The following FUS variants were observed in gnomAD, a reference collection of about 807,000 sequenced individuals.
FUS encodes RNA-binding protein FUS.
In FUS, 5 loss-of-function variants were observed where a neutral mutation model predicts 82.7. That is an observed-to-expected ratio of 0.06 (90% CI 0.03 to 0.13). The LOEUF is 0.13. Ranked by LOEUF, FUS falls within the 10% of genes least tolerant of loss-of-function variation. FUS has a pLI of 1.00. For synonymous variants in FUS, 281 were observed against 247.4 expected (o/e 1.14, Z -1.27); for missense variants, 512 against 707.8 (o/e 0.72, Z 3.14).
chr16:31,191,221 A>AG (rs2079352927), intron 14 of FUS, 111 bp downstream of exon 14: 2 of 1,510,304 alleles, frequency 1.3e-6, no homozygotes, highest in African/African-American at 2.8e-5. Flanking sequence ...GAAAGACCTG[A>AG]GGTTGTAACC....
At chr16:31,192,630 G>C (rs933410847), downstream of FUS, 3 of 483,474 alleles carry the variant, frequency 6.2e-6, no homozygotes, top group Middle Eastern at 6.1e-4. Context: ...GCGTGATCTC[G>C]GCTCACTGTA....
chr16:31,192,250 G>C, downstream of FUS: 1 of 526,390 alleles, frequency 1.9e-6, no homozygotes, highest in Non-Finnish European at 3.7e-6. Context: ...ATCCCTTTTT[G>C]ATTGGAGGGT....
downstream of FUS, chr16:31,192,128 C>T: frequency 3.8e-6 from 2 of 530,956 alleles, no homozygotes; most frequent in Non-Finnish European, 7.3e-6. Context: ...CCCTGGTGAA[C>T]AGCGCTTGGG....
chr16:31,180,115 A>C, upstream of FUS: 1 of 1,532,436 alleles, frequency 6.5e-7, no homozygotes, highest in Non-Finnish European at 8.9e-7. Flanking sequence ...AGCGTACTTA[A>C]GCTTCGACGC....
intron 6 of FUS, 153 bp downstream of exon 6, chr16:31,185,332 C>T (rs758548331): frequency 3.0e-5 from 27 of 903,860 alleles, no homozygotes; most frequent in Non-Finnish European, 2.3e-5. Flanking sequence ...TTTCTTTTTA[C>T]ATCCCCATTT....
rs2079295103 is a variant in FUS, at chr16:31,187,984, A to G, written c.800-341A>G. ...TCTCTCGGGTGAGAGAACCGGGCCA[A>G]GCTGAGTTGGTTTGTTCACTTTAAT... is the stretch of plus-strand genomic sequence containing the variant. On this transcript the variant is annotated intron_variant, in intron 7 of 14. Transcript: ENST00000254108. 3 of 380,968 alleles carry G rather than the reference A, an allele frequency of 7.9e-6. No homozygotes were observed. In the South Asian group the frequency reaches 1.0e-4, roughly 13 times the overall value. The allele number at this position is 380,968 out of a possible 1,614,324, so 23.6% of individuals were successfully genotyped here.
downstream of FUS, chr16:31,191,800 T>C: frequency 3.5e-6 from 2 of 575,718 alleles, no homozygotes; most frequent in Non-Finnish European, 6.6e-6. Flanking sequence ...AAATGAGAAA[T>C]GAAGAACATG....
intron 7 of FUS, chr16:31,187,155 G>A (rs879686605): frequency 1.1e-5 from 5 of 457,698 alleles, no homozygotes; most frequent in African/African-American, 3.8e-5. Flanking sequence ...GAGAGTGCGT[G>A]CTGGAACACG....
chr16:31,184,203 C>A lies in FUS; in HGVS notation c.336-6C>A, dbSNP rs778362735. ...TGTGATTGTGTTTTTTGTTTGTTTT[C>A]CCTAGTTACGGTAGCAGTTCTCAGA... On this transcript the variant is annotated splice_polypyrimidine_tract_variant and splice_region_variant and intron_variant, in intron 4 of 14. Transcript: ENST00000254108. 1.1e-5 allele frequency: 17 copies of A among 1,614,000 alleles called. No homozygotes were observed. In the African/African-American group the frequency reaches 2.1e-4, roughly 20 times the overall value.
chr16:31,189,896 T>TA (rs941927129), intron 10 of FUS, 102 bp downstream of exon 10: 148 of 1,598,256 alleles, frequency 9.3e-5, no homozygotes, highest in Middle Eastern at 8.7e-4. Flanking sequence ...TTCCAACACT[T>TA]ACTTTAGCTG....
chr16:31,194,142 C>G (rs1437171219), downstream of FUS: 1 of 532,178 alleles, frequency 1.9e-6, no homozygotes, highest in Non-Finnish European at 3.6e-6. Context: ...TGTGCCGGGC[C>G]TTCCTGGGTT....
chr16:31,185,972 A>ATGTCAGTGTTACTGT (rs1224310844), intron 6 of FUS: 2 of 236,628 alleles, frequency 8.5e-6, no homozygotes, highest in Admixed American at 1.1e-4. Flanking sequence ...AAGGGGAGGA[A>ATGTCAGTGTTACTGT]TGTCAGTGTT....
chr16:31,191,788 A>C, downstream of FUS: 1 of 587,350 alleles, frequency 1.7e-6, no homozygotes, highest in South Asian at 1.5e-5. Flanking sequence ...AAGTTGGTGT[A>C]TAAATGAGAA....
chr16:31,180,419 G>T (rs1214719752), intron 1 of FUS, among the ~76,000 whole-genome samples, 192 bp downstream of exon 1: 4 of 152,156 alleles, frequency 2.6e-5, no homozygotes, highest in African/African-American at 9.7e-5. Flanking sequence ...TGGCCCTCGC[G>T]CGCGGGGCGG....
chr16:31,182,002 T>C (rs990413629), intron 1 of FUS, among the ~76,000 whole-genome samples: 2 of 151,884 alleles, frequency 1.3e-5, no homozygotes, highest in Non-Finnish European at 2.9e-5. Flanking sequence ...AACATGGTCC[T>C]ATTTTTATTT....
chr16:31,187,000 T>C (rs1348327950), intron 7 of FUS, 164 bp downstream of exon 7: 1 of 720,188 alleles, frequency 1.4e-6, no homozygotes, highest in Non-Finnish European at 2.5e-6. Flanking sequence ...GCCTGGTGTG[T>C]GCTAACCTGG....
rs772136776 is a variant in FUS at position 31,183,729 on chromosome 16, G to A, written c.191-129G>A. 2.7e-4 allele frequency: 301 copies of A among 1,132,004 alleles called. 1 individual carries two copies. The highest frequency in any genetic ancestry group is 3.6e-4 in the Non-Finnish European group (271 of 746,464). 70.1% of individuals were successfully genotyped at this position (1,132,004 alleles called of 1,614,324 possible). ...GGAGGGTAACTATCTTTGCCTATGA[G>A]TTGCAACATCACTAACAGCTTCTGA... On this transcript the variant is annotated intron_variant, in intron 3 of 14. Coordinates refer to ENST00000254108, the MANE Select transcript of FUS (RefSeq NM_004960.4).
intron 1 of FUS, among the ~76,000 whole-genome samples, chr16:31,180,928 TTGGAGACACGGTCTTCCTC>T (rs1226037684): frequency 6.6e-6 from 1 of 151,886 alleles, no homozygotes; most frequent in Non-Finnish European, 1.5e-5. Context: ...CTTTTTTTTT[TTGGAGACACGGTCTTCCTC>T]TGTCGCCCAG....
At chr16:31,187,420 A>G in intron 7 of FUS, 2 of 234,396 alleles carry the variant, frequency 8.5e-6, no homozygotes, top group Non-Finnish European at 1.7e-5. Flanking sequence ...TTCAAGAAAG[A>G]TTGGAAGCAT....
Sources: gnomAD v4.1 joint callset for allele counts (sites outside exome capture counted in the v4.1 genomes callset) on GRCh38, gnomAD v4.1.1 for gene constraint, MANE v1.5 for transcripts, NCBI Gene and HGNC (gene_info 2026-07-23, HGNC 2026-07-21) for gene names.